The following ADTRP variants were observed in gnomAD, a reference collection of about 807,000 sequenced individuals.
ADTRP encodes androgen-dependent TFPI-regulating protein.
ADTRP carries 20 observed loss-of-function variants against 27.0 expected under a neutral mutation model. The observed-to-expected ratio is 0.74, with a 90% CI of 0.52 to 1.08. The LOEUF (loss-of-function observed/expected upper bound fraction) is 1.08. ADTRP is among the 50% of genes least tolerant of loss of function. ADTRP has a pLI of 0.00. For synonymous variants in ADTRP, 101 were observed against 105.2 expected (o/e 0.96, Z 0.25); for missense variants, 251 against 275.0 (o/e 0.91, Z 0.62).
At chr6:11,775,108 G>A (rs2113359163) in intron 1 of ADTRP, among the ~76,000 whole-genome samples, 1 of 152,294 alleles carries the variant, frequency 6.6e-6, no homozygotes, top group South Asian at 2.1e-4. Flanking sequence ...GATGGGGCAT[G>A]CAGCTCGGGG....
chr6:11,742,286 T>A (rs1762743972), intron 3 of ADTRP, among the ~76,000 whole-genome samples: 1 of 152,198 alleles, frequency 6.6e-6, no homozygotes, highest in African/African-American at 2.4e-5. Flanking sequence ...TCAACCCATT[T>A]TTCTTCTCTA....
intron 3 of ADTRP, chr6:11,754,910 C>T: frequency 2.0e-6 from 1 of 509,450 alleles, no homozygotes; most frequent in Non-Finnish European, 2.5e-6. Flanking sequence ...CAGCAGGCTG[C>T]TCTCGGGGAT....
intron 3 of ADTRP, among the ~76,000 whole-genome samples, chr6:11,759,265 G>T (rs1763326215): frequency 6.6e-6 from 1 of 152,126 alleles, no homozygotes. Context: ...GAACCTTTTG[G>T]AAAAACCTGA....
At chr6:11,738,283 C>G (rs1762609191) in intron 3 of ADTRP, among the ~76,000 whole-genome samples, 1 of 152,162 alleles carries the variant, frequency 6.6e-6, no homozygotes, top group Admixed American at 6.5e-5. Context: ...ATGCCAGCTG[C>G]TGGAGTATGG....
At chr6:11,773,595 A>G (rs1002768170) in intron 1 of ADTRP, among the ~76,000 whole-genome samples, 10 of 152,204 alleles carry the variant, frequency 6.6e-5, no homozygotes, top group African/African-American at 2.4e-4. Flanking sequence ...TGCTGAGGGC[A>G]ATTCTGGGAG....
intron 3 of ADTRP, among the ~76,000 whole-genome samples, chr6:11,737,075 C>G (rs1762576697): frequency 6.7e-6 from 1 of 150,342 alleles, no homozygotes; most frequent in Admixed American, 6.6e-5. Context: ...ACTGCTGCAG[C>G]CTGCTCCCAT....
chr6:11,758,575 T>TGGC (rs1554114774), intron 3 of ADTRP, among the ~76,000 whole-genome samples: 11 of 29,448 alleles, frequency 3.7e-4, no homozygotes, highest in South Asian at 2.8e-3. Context: ...TGTTGTGGGG[T>TGGC]GGGGGGGGGG....
chr6:11,772,576 T>G (rs1763818326), intron 1 of ADTRP, among the ~76,000 whole-genome samples: 1 of 152,218 alleles, frequency 6.6e-6, no homozygotes, highest in Non-Finnish European at 1.5e-5. Context: ...CAAGTCTTAT[T>G]GGATGAGTCA....
rs1561735102 is a variant in ADTRP, at chr6:11,714,510, C to G, written c.661G>C (p.Asp221His). 1 of 1,613,610 alleles carries G rather than the reference C, an allele frequency of 6.2e-7. No individual in the cohort carries two copies. The highest frequency in any genetic ancestry group is 8.5e-7 in the Non-Finnish European group (1 of 1,179,886). ...GEKLNHWKWG[D>H]MRQPRKKRK Reference sequence around the variant, plus strand: ...CTCTTCTTCCGTGGCTGCCTCATGTCACCTGTACAAACAAGAACAGAGACA... The same window carrying G: ...CTCTTCTTCCGTGGCTGCCTCATGTGACCTGTACAAACAAGAACAGAGACA... The change falls in exon 6 of 6, where the codon GAC (aspartate) becomes CAC (histidine). Residue 221 changes from aspartate to histidine, a missense_variant and splice_region_variant. Asp to His is a moderately conservative substitution (Grantham distance 81). Transcript: ENST00000414691.
chr6:11,722,282 T>C (rs937513664), intron 5 of ADTRP, among the ~76,000 whole-genome samples: 3 of 152,178 alleles, frequency 2.0e-5, no homozygotes, highest in East Asian at 1.9e-4. Flanking sequence ...GTAGAAAACA[T>C]GTGATACATC....
intron 3 of ADTRP, among the ~76,000 whole-genome samples, chr6:11,757,685 A>G (rs968958274): frequency 6.6e-5 from 10 of 152,206 alleles, no homozygotes; most frequent in African/African-American, 2.4e-4. Flanking sequence ...GGAAGAGGTA[A>G]AGACAGACAC....
intron 3 of ADTRP, among the ~76,000 whole-genome samples, chr6:11,758,952 C>T (rs564239076): frequency 6.6e-6 from 1 of 152,272 alleles, no homozygotes; most frequent in Admixed American, 6.5e-5. Context: ...TCTTGCTTCT[C>T]TTCTTCTGAT....
chr6:11,719,649 T>A (rs1360298634), intron 5 of ADTRP, among the ~76,000 whole-genome samples: 1 of 152,194 alleles, frequency 6.6e-6, no homozygotes, highest in South Asian at 2.1e-4. Flanking sequence ...TGACTTCAAA[T>A]TGGGCCACTG....
At chr6:11,753,294 G>A (rs1250510294) in intron 3 of ADTRP, among the ~76,000 whole-genome samples, 1 of 152,136 alleles carries the variant, frequency 6.6e-6, no homozygotes, top group Admixed American at 6.6e-5. Flanking sequence ...TTTTAAAAAT[G>A]TGAAGGGGCA....
chr6:11,773,360 C>T (rs1282899940), intron 1 of ADTRP, among the ~76,000 whole-genome samples: 6 of 152,256 alleles, frequency 3.9e-5, no homozygotes, highest in East Asian at 1.9e-4. Context: ...CACTGAAGAA[C>T]GCTCTCAGAC....
At chr6:11,736,568 C>T (rs1762562593) in intron 3 of ADTRP, 1 of 152,666 alleles carries the variant, frequency 6.6e-6, no homozygotes, top group African/African-American at 2.4e-5. Flanking sequence ...CCGTTGTGCT[C>T]AGCATGCTCG....
At chr6:11,741,109 C>A (rs1223241082) in intron 3 of ADTRP, among the ~76,000 whole-genome samples, 3 of 152,146 alleles carry the variant, frequency 2.0e-5, no homozygotes, top group African/African-American at 7.2e-5. Context: ...GGAGCGAAAC[C>A]ACCCACAGAA....
chr6:11,760,419 C>T (rs1445094970), intron 3 of ADTRP, among the ~76,000 whole-genome samples: 1 of 152,140 alleles, frequency 6.6e-6, no homozygotes, highest in Non-Finnish European at 1.5e-5. Context: ...TTACACTGAG[C>T]TCCAAGAGAC....
intron 4 of ADTRP, among the ~76,000 whole-genome samples, chr6:11,734,498 T>C (rs1269839827): frequency 6.6e-6 from 1 of 152,150 alleles, no homozygotes; most frequent in Non-Finnish European, 1.5e-5. Flanking sequence ...ATTGAGCAAG[T>C]GCTTTCTTTA....
Sources: gnomAD v4.1 joint callset for allele counts (sites outside exome capture counted in the v4.1 genomes callset) on GRCh38, gnomAD v4.1.1 for gene constraint, MANE v1.5 for transcripts, NCBI Gene and HGNC (gene_info 2026-07-23, HGNC 2026-07-21) for gene names.